INSL6: variants seen among roughly 807,000 people sequenced by gnomAD.
INSL6 encodes the protein insulin like 6.
Under a neutral mutation model 9.4 loss-of-function variants are expected in INSL6, and 16 were observed. The observed-to-expected ratio is 1.70, with a 90% CI of 1.15 to 2.59. The LOEUF (loss-of-function observed/expected upper bound fraction) is 2.59, where lower values mean the gene tolerates loss of function less well. Among genes scored for constraint, INSL6 ranks in the 30% most tolerant of loss-of-function variants. The pLI, the probability that INSL6 is intolerant of heterozygous loss-of-function variation, is 0.00. For synonymous variants in INSL6, 154 were observed against 96.9 expected (o/e 1.59, Z -3.46); for missense variants, 391 against 257.3 (o/e 1.52, Z -3.56).
At chr9:5,149,765 C>T (rs936093966) in intron 2 of INSL6, among the ~76,000 whole-genome samples, 1 of 151,936 alleles carries the variant, frequency 6.6e-6, no homozygotes, top group Admixed American at 6.6e-5. Context: ...CAAAAAGAGC[C>T]CATGTGGCCA....
At chr9:5,152,327 G>T (rs980843439) in intron 2 of INSL6, among the ~76,000 whole-genome samples, 1 of 151,842 alleles carries the variant, frequency 6.6e-6, no homozygotes, top group African/African-American at 2.4e-5. Context: ...TATTATTTAT[G>T]GAACATAAAA....
chr9:5,049,113 G>A, the INSL6 span, among the ~76,000 whole-genome samples: 7 of 152,130 alleles, frequency 4.6e-5, no homozygotes, highest in East Asian at 1.4e-3. Flanking sequence ...GAATCTTTTA[G>A]TATCTTCTGT....
chr9:5,032,762 A>C, the INSL6 span, among the ~76,000 whole-genome samples: 1 of 152,226 alleles, frequency 6.6e-6, no homozygotes, highest in Non-Finnish European at 1.5e-5. Context: ...CCATCATCAA[A>C]GACAAAAGGT....
chr9:5,110,190 G>A, the INSL6 span: 1 of 152,124 alleles, frequency 6.6e-6, no homozygotes, highest in African/African-American at 2.4e-5. Flanking sequence ...CCCAACCCCA[G>A]CCTCAGCCCT....
intron 1 of INSL6, among the ~76,000 whole-genome samples, chr9:5,183,088 C>T (rs912246735): frequency 6.6e-6 from 1 of 152,136 alleles, no homozygotes; most frequent in East Asian, 1.9e-4. Context: ...ATCAACTTTC[C>T]AGCCATATTC....
At chr9:5,101,073 G>A in the INSL6 span, 10 of 152,350 alleles carry the variant, frequency 6.6e-5, no homozygotes, top group Admixed American at 2.0e-4. Flanking sequence ...GAAGCAGGGC[G>A]GGGCATCACC....
At chr9:5,011,662 C>A in the INSL6 span, among the ~76,000 whole-genome samples, 1 of 151,944 alleles carries the variant, frequency 6.6e-6, no homozygotes, top group African/African-American at 2.4e-5. Flanking sequence ...TTCTTCTTTT[C>A]ATGTTTAATA....
chr9:5,117,117 C>T, the INSL6 span, among the ~76,000 whole-genome samples: 1 of 152,192 alleles, frequency 6.6e-6, no homozygotes, highest in Non-Finnish European at 1.5e-5. Context: ...AACAAGGCTC[C>T]CCTTGGAAGC....
chr9:5,043,099 A>T, the INSL6 span, among the ~76,000 whole-genome samples: 1 of 152,138 alleles, frequency 6.6e-6, no homozygotes, highest in African/African-American at 2.4e-5. Context: ...GCAGCCGCAG[A>T]CAAAATGCCT....
chr9:4,996,928 CTTTTT>C, the INSL6 span, among the ~76,000 whole-genome samples: 1 of 94,706 alleles, frequency 1.1e-5, no homozygotes, highest in African/African-American at 4.4e-5. Flanking sequence ...TTAGTTTGTT[CTTTTT>C]TTTTTTTTTT....
At chr9:5,108,543 ACT>A in the INSL6 span, 1 of 151,888 alleles carries the variant, frequency 6.6e-6, no homozygotes, top group Non-Finnish European at 1.5e-5. Flanking sequence ...AGTAAAAATA[ACT>A]CTATTCGGAC....
chr9:5,144,663 T>G (rs1824567601), intron 2 of INSL6, among the ~76,000 whole-genome samples: 1 of 152,222 alleles, frequency 6.6e-6, no homozygotes, highest in South Asian at 2.1e-4. Flanking sequence ...GTTCCTGTGT[T>G]GGGTGCAAAC....
the INSL6 span, among the ~76,000 whole-genome samples, chr9:5,003,219 A>G: frequency 6.6e-6 from 1 of 151,952 alleles, no homozygotes; most frequent in East Asian, 1.9e-4. Flanking sequence ...TGTTTTTCAC[A>G]GACTTTAGGA....
chr9:4,995,737 A>G, the INSL6 span, among the ~76,000 whole-genome samples: 2 of 152,246 alleles, frequency 1.3e-5, no homozygotes, highest in Non-Finnish European at 2.9e-5. Flanking sequence ...TCAAGCATTT[A>G]GGAATAGAAG....
downstream of INSL6, among the ~76,000 whole-genome samples, chr9:5,122,065 T>C (rs549855618): frequency 5.9e-5 from 9 of 152,142 alleles, no homozygotes; most frequent in Non-Finnish European, 1.0e-4. Flanking sequence ...GCCAGTACTA[T>C]AGGAATTCAG....
the INSL6 span, among the ~76,000 whole-genome samples, chr9:5,007,473 T>C: frequency 1.3e-5 from 2 of 152,134 alleles, no homozygotes; most frequent in African/African-American, 4.8e-5. Context: ...CAAATTTCCA[T>C]TAATTCAAAT....
chr9:5,028,757 G>A, the INSL6 span, among the ~76,000 whole-genome samples: 3 of 152,306 alleles, frequency 2.0e-5, no homozygotes, highest in Non-Finnish European at 4.4e-5. Context: ...TCATGAACCA[G>A]CCTCTACTAG....
chr9:5,140,246 G>C (rs1824470670), intron 2 of INSL6, among the ~76,000 whole-genome samples: 1 of 152,042 alleles, frequency 6.6e-6, no homozygotes, highest in African/African-American at 2.4e-5. Flanking sequence ...CCATATATAA[G>C]AACATTCACA....
At chr9:5,033,701 G>C in the INSL6 span, among the ~76,000 whole-genome samples, 1 of 152,164 alleles carries the variant, frequency 6.6e-6, no homozygotes, top group African/African-American at 2.4e-5. Flanking sequence ...GAGAGATTTT[G>C]TCACCACCAG....
Sources: allele counts gnomAD v4.1 joint callset (sites outside exome capture counted in the v4.1 genomes callset), GRCh38; gene constraint gnomAD v4.1.1; transcripts MANE v1.5; gene names NCBI Gene and HGNC (gene_info 2026-07-23, HGNC 2026-07-21).